AGBL1: variants seen among roughly 807,000 people sequenced by gnomAD.
AGBL1 encodes AGBL carboxypeptidase 1.
Under a neutral mutation model 118.9 loss-of-function variants are expected in AGBL1, and 130 were observed. The ratio of observed to expected loss-of-function variants is 1.09; its 90% CI spans 0.95 to 1.26. The LOEUF (loss-of-function observed/expected upper bound fraction) is 1.26. Ranked by LOEUF, AGBL1 falls within the 50% of genes most tolerant of loss-of-function variation. The pLI is 0.00. For missense variants in AGBL1, 1,584 were observed against 1,298.1 expected (o/e 1.22, Z -3.38); for synonymous variants, 555 against 478.9 (o/e 1.16, Z -2.08).
At chr15:86,390,225 A>G (rs1194628102) in intron 17 of AGBL1, among the ~76,000 whole-genome samples, 6 of 152,242 alleles carry the variant, frequency 3.9e-5, no homozygotes, top group Non-Finnish European at 8.8e-5. Flanking sequence ...ATCTGTATGC[A>G]GTTAATAACA....
chr15:86,497,735 G>A (rs906924937), intron 18 of AGBL1, among the ~76,000 whole-genome samples: 1 of 151,882 alleles, frequency 6.6e-6, no homozygotes, highest in African/African-American at 2.4e-5. Flanking sequence ...CAATCCTTCT[G>A]TGTCTGGAAA....
At chr15:86,454,461 T>C (rs2082235986) in intron 18 of AGBL1, among the ~76,000 whole-genome samples, 1 of 152,178 alleles carries the variant, frequency 6.6e-6, no homozygotes, top group Non-Finnish European at 1.5e-5. Context: ...CTCATAGCAG[T>C]TGTACTCATA....
intron 22 of AGBL1, among the ~76,000 whole-genome samples, chr15:86,692,815 A>G (rs1002941799): frequency 6.6e-6 from 1 of 152,102 alleles, no homozygotes; most frequent in African/African-American, 2.4e-5. Context: ...ATGCCTTTGC[A>G]TCTTCATAGC....
At chr15:86,226,350 C>G (rs2078362638) in intron 6 of AGBL1, among the ~76,000 whole-genome samples, 1 of 152,136 alleles carries the variant, frequency 6.6e-6, no homozygotes, top group Non-Finnish European at 1.5e-5. Context: ...GCCTGGTAGG[C>G]CAGCCTGTGA....
chr15:86,122,688 GA>G (rs1898158337), intron 1 of AGBL1, among the ~76,000 whole-genome samples: 1 of 152,088 alleles, frequency 6.6e-6, no homozygotes, highest in Non-Finnish European at 1.5e-5. Context: ...TCAAGGTTGT[GA>G]AAAAAAGGTG....
At position 86,702,301 on chromosome 15, in the gene AGBL1, A is replaced by G. The variant is rs1005174057; in HGVS notation, c.3158+27865A>G. Among the ~76,000 whole-genome samples, 20 of 152,152 alleles carry G rather than the reference A, an allele frequency of 1.3e-4. 1 individual carries two copies. Among genetic ancestry groups the G allele is most frequent in the East Asian group, 3.9e-4 (2 of 5,182 alleles). On this transcript the variant is annotated intron_variant, in intron 22 of 22. Transcript: ENST00000614907. ...TACCTGTAATAATTCCCCATAGACT[A>G]ATAAAAATATTTTACTTTCATCAAG...
chr15:87,017,986 G>A (rs913907308), intron 24 of AGBL1, among the ~76,000 whole-genome samples: 7 of 136,890 alleles, frequency 5.1e-5, no homozygotes, highest in Admixed American at 3.4e-4. Context: ...CATAACACGA[G>A]AAATTTACAA....
chr15:86,555,453 C>T (rs984887054), intron 21 of AGBL1, among the ~76,000 whole-genome samples: 1 of 152,154 alleles, frequency 6.6e-6, no homozygotes, highest in African/African-American at 2.4e-5. Flanking sequence ...ACAGGCAATG[C>T]ACATTATCTA....
intron 19 of AGBL1, among the ~76,000 whole-genome samples, chr15:86,537,333 C>G (rs939237701): frequency 9.8e-4 from 149 of 152,348 alleles, no homozygotes; most frequent in African/African-American, 3.5e-3. Flanking sequence ...GCTTCTACCT[C>G]GAGAACTTCA....
intron 21 of AGBL1, among the ~76,000 whole-genome samples, chr15:86,617,413 A>G (rs547082313): frequency 6.6e-6 from 1 of 152,200 alleles, no homozygotes; most frequent in African/African-American, 2.4e-5. Context: ...CTCTGACTAA[A>G]GTCAGAATGA....
chr15:86,745,800 A>G (rs568596144), intron 22 of AGBL1, among the ~76,000 whole-genome samples: 1 of 152,174 alleles, frequency 6.6e-6, no homozygotes, highest in African/African-American at 2.4e-5. Flanking sequence ...TTAACGCAGT[A>G]AGATCTATTT....
chr15:86,720,890 A>G (rs1328421123), intron 22 of AGBL1, among the ~76,000 whole-genome samples: 1 of 152,250 alleles, frequency 6.6e-6, no homozygotes, highest in African/African-American at 2.4e-5. Flanking sequence ...AATAAACTGG[A>G]AAATCTAGAA....
At chr15:86,418,815 T>C (rs1395638497) in intron 18 of AGBL1, among the ~76,000 whole-genome samples, 2 of 152,148 alleles carry the variant, frequency 1.3e-5, no homozygotes, top group Non-Finnish European at 2.9e-5. Context: ...TCATTCATCA[T>C]GCTTGTCGGG....
At chr15:86,165,409 C>T (rs979455350) in intron 5 of AGBL1, among the ~76,000 whole-genome samples, 8 of 152,086 alleles carry the variant, frequency 5.3e-5, no homozygotes, top group Admixed American at 3.9e-4. Flanking sequence ...TGCCCAAAGC[C>T]GGGTCTTCTG....
chr15:86,207,131 T>C (rs1449291155), intron 5 of AGBL1, among the ~76,000 whole-genome samples: 1 of 152,116 alleles, frequency 6.6e-6, no homozygotes, highest in African/African-American at 2.4e-5. Context: ...AGATGTGTGG[T>C]GTTATTTCTG....
intron 22 of AGBL1, among the ~76,000 whole-genome samples, chr15:86,698,722 G>A (rs532765031): frequency 6.6e-6 from 1 of 151,324 alleles, no homozygotes; most frequent in Admixed American, 6.6e-5. Flanking sequence ...TAGTGCTGCA[G>A]TTTTTCTGGG....
intron 21 of AGBL1, among the ~76,000 whole-genome samples, chr15:86,612,813 G>A (rs1018760831): frequency 5.3e-5 from 8 of 152,104 alleles, no homozygotes; most frequent in African/African-American, 1.7e-4. Flanking sequence ...AAGCCGGCTG[G>A]CCTGAAGGCT....
At chr15:86,754,885 C>T (rs543216570) in intron 22 of AGBL1, among the ~76,000 whole-genome samples, 30 of 152,098 alleles carry the variant, frequency 2.0e-4, no homozygotes, top group Non-Finnish European at 3.5e-4. Context: ...ATCCCCATTC[C>T]TCTCCCCTTA....
intron 5 of AGBL1, among the ~76,000 whole-genome samples, chr15:86,212,811 G>A (rs1293758435): frequency 6.6e-6 from 1 of 152,200 alleles, no homozygotes; most frequent in Non-Finnish European, 1.5e-5. Flanking sequence ...CACCATGCCT[G>A]GCTAATTTTT....
Sources: allele counts gnomAD v4.1 joint callset (sites outside exome capture counted in the v4.1 genomes callset), GRCh38; gene constraint gnomAD v4.1.1; transcripts MANE v1.5; gene names NCBI Gene and HGNC (gene_info 2026-07-23, HGNC 2026-07-21).